The following SLC45A4 variants were observed in gnomAD, a reference collection of about 807,000 sequenced individuals.
SLC45A4 encodes solute carrier family 45 member 4.
In SLC45A4, 32 loss-of-function variants were observed where a neutral mutation model predicts 63.7. That is an observed-to-expected ratio of 0.50 (90% confidence interval 0.38 to 0.67). The LOEUF (loss-of-function observed/expected upper bound fraction) is 0.67. SLC45A4 is among the 30% of genes least tolerant of loss of function. SLC45A4 has a pLI of 0.00. For synonymous variants in SLC45A4, 535 were observed against 510.0 expected, an observed-to-expected ratio of 1.05 and a Z score of -0.66; for missense variants, 1,027 against 1,157.7, an observed-to-expected ratio of 0.89 and a Z score of 1.64.
intron 1 of SLC45A4, among the ~76,000 whole-genome samples, chr8:141,290,748 C>T (rs754525922): frequency 7.0e-4 from 106 of 152,368 alleles, no homozygotes; most frequent in Non-Finnish European, 1.1e-3. Context: ...AGGCAGCCCA[C>T]GCTGCGTGTG....
chr8:141,255,379 C>T (rs1373243730), intron 1 of SLC45A4, among the ~76,000 whole-genome samples: 1 of 151,948 alleles, frequency 6.6e-6, no homozygotes, highest in African/African-American at 2.4e-5. Context: ...CGTGCCCAGC[C>T]AAAAAGGGAA....
intron 1 of SLC45A4, among the ~76,000 whole-genome samples, chr8:141,302,993 CTTTTTT>C (rs55974270): frequency 1.2e-4 from 12 of 97,266 alleles, no homozygotes; most frequent in Admixed American, 4.3e-4. Flanking sequence ...CTTACAATGT[CTTTTTT>C]TTTTTTTTTT....
rs1296371372 is a variant in SLC45A4 at position 141,278,627 on chromosome 8, GC to G, written c.-400-23999del. Among the ~76,000 whole-genome samples the G allele has an allele frequency of 6.6e-5, 10 of 152,388 alleles. No homozygotes were observed. The East Asian group carries it at 7.7e-4, about 12-fold the overall frequency. ...GCCCCCTAGCCACCAGCAGCTGAGTGCTGACCACAGCCCCCACGGGCAGCAC... is the reference window on the plus strand; with the variant it reads ...GCCCCCTAGCCACCAGCAGCTGAGTGTGACCACAGCCCCCACGGGCAGCAC... On this transcript the variant is annotated intron_variant, in intron 1 of 8. Transcript: ENST00000517878. This position sits in a 1 kb window ranked among gnomAD's most constrained non-coding sequence, Gnocchi z 4.1.
Position 141,218,313 on chromosome 8 carries a change from C to T in SLC45A4, c.1327G>A (p.Ala443Thr), listed in dbSNP as rs1489563197. ...GGCTTGATCAGCACCACGGCGTTGGCGCGCCGGTAGCGGTAGCAGTGGGAC... is the reference window on the plus strand; with the variant it reads ...GGCTTGATCAGCACCACGGCGTTGGTGCGCCGGTAGCGGTAGCAGTGGGAC... ...LGSHCYRYRR[A>T]NAVVLIKPSR... The change falls in exon 5 of 9, where the codon GCC (alanine) becomes ACC (threonine). Residue 443 changes from alanine to threonine, a missense_variant. By Grantham distance (58) the Ala-to-Thr change is moderately conservative. Coordinates refer to ENST00000517878, the MANE Select transcript of SLC45A4 (RefSeq NM_001286646.2). The T allele has an allele frequency of 4.4e-6, 7 of 1,606,750 alleles. No individual in the cohort carries two copies. The highest frequency in any genetic ancestry group is 1.1e-5 in the South Asian group (1 of 91,076).
intron 2 of SLC45A4, among the ~76,000 whole-genome samples, chr8:141,232,182 G>A (rs140978227): frequency 1.7e-4 from 26 of 152,240 alleles, no homozygotes; most frequent in African/African-American, 5.5e-4. Flanking sequence ...TGGAGGGGGC[G>A]GGGGAACCCC....
intron 1 of SLC45A4, chr8:141,292,694 G>C (rs1830394549): frequency 6.5e-6 from 1 of 152,822 alleles, no homozygotes; most frequent in African/African-American, 2.4e-5. Context: ...CTCCTTGCAG[G>C]TGCCACTTGC....
chr8:141,240,116 G>A (rs1827837381), intron 2 of SLC45A4, among the ~76,000 whole-genome samples: 1 of 152,228 alleles, frequency 6.6e-6, no homozygotes, highest in Non-Finnish European at 1.5e-5. Flanking sequence ...GATATAAAGT[G>A]AGCATAGCTT....
At chr8:141,307,776 G>A (rs1387739271) in intron 1 of SLC45A4, among the ~76,000 whole-genome samples, 4 of 147,674 alleles carry the variant, frequency 2.7e-5, no homozygotes, top group Admixed American at 2.7e-4. Context: ...AAGCGGGCCG[G>A]GTCCAAATGA....
intron 3 of SLC45A4, among the ~76,000 whole-genome samples, chr8:141,221,301 A>G (rs979171518): frequency 6.6e-6 from 1 of 152,294 alleles, no homozygotes; most frequent in Non-Finnish European, 1.5e-5. Flanking sequence ...TTCTGAAAGA[A>G]TGCTGGAAAC....
At chr8:141,251,582 C>T (rs929133956) in intron 2 of SLC45A4, among the ~76,000 whole-genome samples, 3 of 151,958 alleles carry the variant, frequency 2.0e-5, no homozygotes, top group African/African-American at 4.8e-5. Flanking sequence ...AACAAGAGTG[C>T]GAGCTGCGCC....
At chr8:141,221,874 C>A in intron 2 of SLC45A4, 109 bp from the exon 3 acceptor site, 1 of 1,125,638 alleles carries the variant, frequency 8.9e-7, no homozygotes, top group Non-Finnish European at 1.3e-6. Flanking sequence ...CGCACGCATG[C>A]GCACATCCCC....
chr8:141,296,880 C>T (rs1365800513), intron 1 of SLC45A4, among the ~76,000 whole-genome samples: 1 of 151,208 alleles, frequency 6.6e-6, no homozygotes. Flanking sequence ...ACCCTCACGC[C>T]CTTTATCATA....
intron 2 of SLC45A4, among the ~76,000 whole-genome samples, chr8:141,236,188 A>G (rs896317375): frequency 7.9e-5 from 12 of 152,192 alleles, no homozygotes; most frequent in Non-Finnish European, 1.6e-4. Context: ...ACTGTCCCTG[A>G]GGACTTTTGT....
intron 2 of SLC45A4, among the ~76,000 whole-genome samples, chr8:141,241,052 G>A (rs905447839): frequency 6.6e-6 from 1 of 152,262 alleles, no homozygotes; most frequent in African/African-American, 2.4e-5. Context: ...ATGGGCACCG[G>A]TTTGTGGGTG....
At chr8:141,267,236 A>G (rs1040821115) in intron 1 of SLC45A4, among the ~76,000 whole-genome samples, 3 of 152,248 alleles carry the variant, frequency 2.0e-5, no homozygotes, top group Non-Finnish European at 4.4e-5. Flanking sequence ...TCCTTCAGGA[A>G]TGATACCGGG....
intron 2 of SLC45A4, among the ~76,000 whole-genome samples, chr8:141,224,087 A>G (rs1826830935): frequency 6.6e-6 from 1 of 151,626 alleles, no homozygotes; most frequent in African/African-American, 2.4e-5. Flanking sequence ...TCCTTATTAC[A>G]CTTACACTCT....
intron 1 of SLC45A4, among the ~76,000 whole-genome samples, chr8:141,263,310 C>A (rs1829115166): frequency 6.6e-6 from 1 of 151,388 alleles, no homozygotes; most frequent in African/African-American, 2.4e-5. Flanking sequence ...CACATGTATA[C>A]ATATGTAACT....
chr8:141,215,759 C>G lies in SLC45A4; in HGVS notation c.1941G>C (p.Gln647His). 6.2e-7 allele frequency: 1 copy of G among 1,612,988 alleles called. No homozygotes were observed. The highest frequency in any genetic ancestry group is 8.5e-7 in the Non-Finnish European group (1 of 1,179,978). The change falls in exon 7 of 9, where the codon CAG (glutamine) becomes CAC (histidine). Residue 647 changes from glutamine to histidine, a missense_variant and splice_region_variant. Coordinates refer to ENST00000517878, the MANE Select transcript of SLC45A4 (RefSeq NM_001286646.2). The surrounding 1 kb of genome is among the most constrained non-coding windows in gnomAD (Gnocchi z 4.3). ...GATCTCAGGGCTACGGTGGACGCAC[C>G]TGCTTGATGTCATGGTACTGGCCCA... Reference protein sequence around the residue: ...ALLGQYHDIKQYIHHSPGNSK... With the variant: ...ALLGQYHDIKHYIHHSPGNSK...
rs761252373 is a variant in SLC45A4, at chr8:141,219,780, G to A, written c.480C>T (p.Leu160=). Residue 160 remains leucine, a synonymous_variant, in exon 4 of 9, where the codon CTC becomes CTT. Transcript: ENST00000517878. The stretch of plus-strand genomic sequence containing the variant: ...CCAGGACCACCACTCCCAGCACCGT[G>A]AGCACGATGCCAATGGGCTGCCGGT... ...VPNRQPIGIV[L]TVLGVVVLDF... 2 of 1,598,798 alleles carry A rather than the reference G, an allele frequency of 1.3e-6. No homozygotes were observed. Among genetic ancestry groups the A allele is most frequent in the South Asian group, 1.1e-5 (1 of 88,556 alleles).
Sources: allele counts gnomAD v4.1 joint callset (sites outside exome capture counted in the v4.1 genomes callset), GRCh38; gene constraint gnomAD v4.1.1; non-coding constraint Gnocchi (gnomAD v3.1); transcripts MANE v1.5; gene names NCBI Gene and HGNC (gene_info 2026-07-23, HGNC 2026-07-21).